The following OSBPL10 variants were observed in gnomAD, a reference collection of about 807,000 sequenced individuals.
OSBPL10 encodes oxysterol binding protein like 10.
OSBPL10 carries 49 observed loss-of-function variants against 81.7 expected under a neutral mutation model. The ratio of observed to expected loss-of-function variants is 0.60; its 90% confidence interval spans 0.48 to 0.76. The LOEUF is 0.76. Ranked by LOEUF, OSBPL10 falls within the 30% of genes least tolerant of loss-of-function variation. The probability of loss-of-function intolerance (pLI) is 0.00; values close to 1 mark genes in which losing one functional copy is unlikely to be tolerated. For missense variants in OSBPL10, 923 were observed against 987.8 expected, an observed-to-expected ratio of 0.93 and a Z score of 0.88; for synonymous variants, 419 against 383.6, an observed-to-expected ratio of 1.09 and a Z score of -1.08.
intron 1 of OSBPL10, among the ~76,000 whole-genome samples, chr3:31,897,998 A>C (rs1696106472): frequency 8.0e-6 from 1 of 124,868 alleles, no homozygotes; most frequent in African/African-American, 3.1e-5. Flanking sequence ...ACACAGCGAG[A>C]ACTCTGTCAA....
At chr3:31,982,517 T>C (rs970864153), upstream of OSBPL10, among the ~76,000 whole-genome samples, 2 of 152,188 alleles carry the variant, frequency 1.3e-5, no homozygotes, top group Non-Finnish European at 2.9e-5. Flanking sequence ...GCCCAACCCC[T>C]TTCTAGCTTC....
intron 1 of OSBPL10, among the ~76,000 whole-genome samples, chr3:31,965,704 T>A (rs865776139): frequency 8.2e-5 from 5 of 60,956 alleles, no homozygotes; most frequent in African/African-American, 4.0e-4. Flanking sequence ...ATATAATATA[T>A]TATATAAAAT....
chr3:31,814,992 C>T (rs1378072200), intron 4 of OSBPL10, among the ~76,000 whole-genome samples: 1 of 152,306 alleles, frequency 6.6e-6, no homozygotes, highest in South Asian at 2.1e-4. Flanking sequence ...GAGAGTGTGA[C>T]AGTTTCCAGG....
At chr3:31,883,214 G>A (rs1310754759) in intron 1 of OSBPL10, among the ~76,000 whole-genome samples, 1 of 150,864 alleles carries the variant, frequency 6.6e-6, no homozygotes, top group Non-Finnish European at 1.5e-5. Flanking sequence ...ACACAGCACT[G>A]CAGCATCCCC....
intron 1 of OSBPL10, among the ~76,000 whole-genome samples, chr3:31,902,434 T>C (rs1360233475): frequency 1.3e-5 from 2 of 151,876 alleles, no homozygotes; most frequent in Non-Finnish European, 2.9e-5. Context: ...AGCTAATTTT[T>C]ATATTTTTAG....
chr3:32,040,814 G>A (rs1244329997), intron 2 of OSBPL10, among the ~76,000 whole-genome samples: 1 of 152,182 alleles, frequency 6.6e-6, no homozygotes, highest in East Asian at 1.9e-4. Context: ...TCCAGCCCTG[G>A]TGACAGAGTG....
At chr3:32,053,691 G>A (rs1575093281) in intron 1 of OSBPL10, among the ~76,000 whole-genome samples, 1 of 152,104 alleles carries the variant, frequency 6.6e-6, no homozygotes, top group Non-Finnish European at 1.5e-5. Flanking sequence ...AAAAAATAAT[G>A]AGGATGGTGC....
At chr3:32,026,349 G>A (rs1699413890) in intron 2 of OSBPL10, among the ~76,000 whole-genome samples, 1 of 152,044 alleles carries the variant, frequency 6.6e-6, no homozygotes, top group African/African-American at 2.4e-5. Context: ...TGTTGCCCAG[G>A]CTAGTTTCAA....
chr3:31,693,210 C>T (rs935063548), intron 7 of OSBPL10, among the ~76,000 whole-genome samples: 2 of 152,110 alleles, frequency 1.3e-5, no homozygotes, highest in African/African-American at 4.8e-5. Context: ...GGTTCATTTC[C>T]AGGATAAACA....
chr3:31,919,879 G>A (rs982496696), intron 1 of OSBPL10, among the ~76,000 whole-genome samples: 1 of 152,230 alleles, frequency 6.6e-6, no homozygotes, highest in Non-Finnish European at 1.5e-5. Flanking sequence ...AGAGGATAAT[G>A]GCACTAATAG....
intron 3 of OSBPL10, among the ~76,000 whole-genome samples, chr3:31,851,105 T>G (rs114937308): frequency 6.6e-6 from 1 of 152,356 alleles, no homozygotes; most frequent in African/African-American, 2.4e-5. Context: ...CTTTTTCTCA[T>G]TTCAAATGCC....
chr3:31,870,128 C>T (rs1038068048), intron 3 of OSBPL10, among the ~76,000 whole-genome samples: 5 of 152,228 alleles, frequency 3.3e-5, no homozygotes, highest in Admixed American at 1.3e-4. Flanking sequence ...GAGGGACAGG[C>T]GCAAGGGGGA....
At chr3:31,860,857 G>GTT (rs68080421) in intron 3 of OSBPL10, among the ~76,000 whole-genome samples, 22 of 108,232 alleles carry the variant, frequency 2.0e-4, no homozygotes, top group African/African-American at 5.1e-4. Flanking sequence ...GTTTTTTGGG[G>GTT]TTTTTTTTTT....
intron 1 of OSBPL10, among the ~76,000 whole-genome samples, chr3:31,922,295 T>C (rs992608354): frequency 6.6e-6 from 1 of 152,182 alleles, no homozygotes; most frequent in African/African-American, 2.4e-5. Context: ...GGGGGGAGTA[T>C]GTGAGAACTC....
intron 6 of OSBPL10, among the ~76,000 whole-genome samples, chr3:31,717,413 G>A (rs779299346): frequency 1.3e-4 from 20 of 152,064 alleles, no homozygotes; most frequent in Admixed American, 5.2e-4. Flanking sequence ...GACAACTCTG[G>A]TATACGCCTA....
At position 31,893,850 on chromosome 3, in the gene OSBPL10, C is replaced by T. The variant is rs78305978; in HGVS notation, c.282-14020G>A. ...GGTTGTCTGGGGCTAAGGGTGGGAGCAGGATTAGCTGCAAACTGCTTACAG... is the reference window on the plus strand; with the variant it reads ...GGTTGTCTGGGGCTAAGGGTGGGAGTAGGATTAGCTGCAAACTGCTTACAG... On this transcript the variant is annotated intron_variant, in intron 1 of 11. Transcript: ENST00000396556. Among the ~76,000 whole-genome samples, 1,300 of 152,188 alleles carry T rather than the reference C, an allele frequency of 8.5e-3. 90 individuals carry two copies. The East Asian group carries it at 0.18, about 21-fold the overall frequency.
At position 31,726,709 on chromosome 3, in the gene OSBPL10, T is replaced by G. The variant is rs75268114; in HGVS notation, c.1095+6548A>C. 3.7e-3 allele frequency among the ~76,000 whole-genome samples: 566 copies of G among 151,582 alleles called. 3 individuals carry two copies. The highest frequency in any genetic ancestry group is 0.013 in the African/African-American group (548 of 40,970). On this transcript the variant is annotated intron_variant, in intron 6 of 11. Coordinates refer to ENST00000396556, the MANE Select transcript of OSBPL10 (RefSeq NM_017784.5). ...GACTACAGCTATGATGCTGCCACAA[T>G]GAAGTGACAAGCATAAGGATAAACA...
rs1311813399 is a variant in OSBPL10 at position 32,062,590 on chromosome 3, G to A, written n.185+14806C>T. The stretch of plus-strand genomic sequence containing the variant: ...TGCTGGTCCAGACAAAACTCTGAGC[G>A]CAGATAGGGAAACTTGCCTAAGGAT... On this transcript the variant is annotated intron_variant and non_coding_transcript_variant, in intron 1 of 3. Transcript: ENST00000479173. 2.1e-5 allele frequency among the ~76,000 whole-genome samples: 2 copies of A among 94,650 alleles called. 1 individual carries two copies. The highest frequency in any genetic ancestry group is 5.7e-5 in the Non-Finnish European group (2 of 35,112). The allele number at this position is 94,650 out of a possible 152,430, so 62.1% of individuals were successfully genotyped here. A position where few individuals can be genotyped will look rare whatever the true frequency, so the allele number is the denominator to read the frequency against.
At position 32,061,699 on chromosome 3, in the gene OSBPL10, A is replaced by G. The variant is rs867809618; in HGVS notation, n.186-15096T>C. Among the ~76,000 whole-genome samples, 18 of 93,412 alleles carry G rather than the reference A, an allele frequency of 1.9e-4. 6 individuals carry two copies. Among genetic ancestry groups the G allele is most frequent in the Middle Eastern group, 0.011 (2 of 188 alleles). The allele number at this position is 93,412 out of a possible 152,430, so 61.3% of individuals were successfully genotyped here. On this transcript the variant is annotated intron_variant and non_coding_transcript_variant, in intron 1 of 3. Coordinates refer to the OSBPL10 transcript ENST00000479173. Reference sequence around the variant, plus strand: ...GGCCCAGGCTGGAGTACAGTGGCACAATGATCACAGCTCACTGCAGCCTTG... The same window carrying G: ...GGCCCAGGCTGGAGTACAGTGGCACGATGATCACAGCTCACTGCAGCCTTG...
Sources: allele counts gnomAD v4.1 joint callset (sites outside exome capture counted in the v4.1 genomes callset), GRCh38; gene constraint gnomAD v4.1.1; transcripts MANE v1.5; gene names NCBI Gene and HGNC (gene_info 2026-07-23, HGNC 2026-07-21).